Variants in SACM1L observed in about 807,000 individuals in gnomAD.
The protein encoded by SACM1L is SAC1 like phosphatidylinositide phosphatase.
SACM1L carries 32 observed loss-of-function variants against 89.5 expected under a neutral mutation model. The ratio of observed to expected loss-of-function variants is 0.36; its 90% CI spans 0.27 to 0.48. The LOEUF is 0.48. Among genes scored for constraint, SACM1L ranks in the 20% least tolerant of loss-of-function variants. The pLI, the probability that SACM1L is intolerant of heterozygous loss-of-function variation, is 0.99. For missense variants in SACM1L, 543 were observed against 708.5 expected (o/e 0.77, Z 2.65); for synonymous variants, 213 against 232.8 (o/e 0.92, Z 0.77).
At chr3:45,739,229 C>T (rs1192150446) in intron 18 of SACM1L, among the ~76,000 whole-genome samples, 1 of 152,112 alleles carries the variant, frequency 6.6e-6, no homozygotes, top group Non-Finnish European at 1.5e-5. Flanking sequence ...TTTTTGACTC[C>T]TCTGTTCACC....
Position 45,733,855 on chromosome 3 carries a change from G to A in SACM1L, c.1101-1380G>A, listed in dbSNP as rs139409027. On this transcript the variant is annotated intron_variant, in intron 13 of 19. Transcript: ENST00000389061. ...TAAAGTTCTAGAGTTAGTAAGTTGC[G>A]TATGATGCTAAGGCTAGCAAACAGA... Among the ~76,000 whole-genome samples the A allele has an allele frequency of 1.4e-3, 207 of 152,256 alleles. 2 individuals are homozygous for A. The highest frequency in any genetic ancestry group is 4.4e-3 in the African/African-American group (184 of 41,552).
At chr3:45,696,128 G>A (rs1026178773) in intron 1 of SACM1L, among the ~76,000 whole-genome samples, 3 of 151,716 alleles carry the variant, frequency 2.0e-5, no homozygotes, top group East Asian at 1.9e-4. Flanking sequence ...CTCCTAAGTA[G>A]CTGGGATTTC....
chr3:45,740,806 T>C (rs1171001622), intron 19 of SACM1L, among the ~76,000 whole-genome samples: 2 of 152,200 alleles, frequency 1.3e-5, no homozygotes, highest in African/African-American at 4.8e-5. Flanking sequence ...TCTTAATTGC[T>C]AATGGCTGCA....
intron 7 of SACM1L, among the ~76,000 whole-genome samples, chr3:45,714,452 C>T (rs956489700): frequency 1.3e-5 from 2 of 151,990 alleles, no homozygotes; most frequent in African/African-American, 4.8e-5. Context: ...AGACTTAGGC[C>T]GGGCATGGTG....
chr3:45,729,380 C>T (rs1381872693), intron 11 of SACM1L, among the ~76,000 whole-genome samples: 1 of 152,164 alleles, frequency 6.6e-6, no homozygotes, highest in Non-Finnish European at 1.5e-5. Context: ...CTACTATGCC[C>T]AGCCTGTTGG....
At chr3:45,697,268 CCTTTTTTTTTTTTT>C (rs1698154063) in intron 1 of SACM1L, among the ~76,000 whole-genome samples, 2 of 110,612 alleles carry the variant, frequency 1.8e-5, no homozygotes, top group East Asian at 2.5e-4. Context: ...CTTTTCTTTT[CCTTTTTTTTTTTTT>C]TTTTTTTTTT....
chr3:45,721,926 C>T (rs1698797076), intron 8 of SACM1L, 74 bp from the exon 9 acceptor site: 1 of 965,418 alleles, frequency 1.0e-6, no homozygotes, highest in Non-Finnish European at 1.6e-6. Context: ...TCCAAGTTAA[C>T]CTGAATTAGT....
rs764073882 is a variant in SACM1L, at chr3:45,723,486, C to T, written c.864C>T (p.Phe288=). 1 of 1,481,898 alleles carries T rather than the reference C, an allele frequency of 6.7e-7. No homozygotes were observed. Among genetic ancestry groups the T allele is most frequent in the Admixed American group, 2.0e-5 (1 of 50,994 alleles). 91.8% of individuals were successfully genotyped at this position (1,481,898 alleles called of 1,614,324 possible). ...TTTTTCCTCTCTAGATGGACGGTTT[C>T]CAAAGGCATTTTGATTCCCAAGTAA... The part of the protein sequence containing the change: ...ISKVANHMDG[F]QRHFDSQVII... The change falls in exon 11 of 20, where the codon TTC becomes TTT. Residue 288 remains phenylalanine (F), a synonymous_variant. Coordinates refer to ENST00000389061, the MANE Select transcript of SACM1L (RefSeq NM_014016.5).
rs1333926677 is a variant in SACM1L, at chr3:45,737,601, G to A, written c.1258G>A (p.Val420Met). The change falls in exon 15 of 20, where the codon GTG becomes ATG. Residue 420 changes from valine to methionine, a missense_variant. Coordinates refer to ENST00000389061, the MANE Select transcript of SACM1L (RefSeq NM_014016.5). ...ATTCCAGAGACTAGGAGTTTTGCATGTGGGACAAAAGCTTGAAGAACAAGA... is the reference window on the plus strand; with the variant it reads ...ATTCCAGAGACTAGGAGTTTTGCATATGGGACAAAAGCTTGAAGAACAAGA... The part of the protein sequence containing the change: ...AQLQRLGVLH[V>M]GQKLEEQDEF... 6.3e-7 allele frequency: 1 copy of A among 1,596,134 alleles called. No homozygotes were observed. Among genetic ancestry groups the A allele is most frequent in the East Asian group, 2.2e-5 (1 of 44,798 alleles).
chr3:45,735,624 AT>A (rs1345551268), intron 14 of SACM1L, among the ~76,000 whole-genome samples: 3 of 152,120 alleles, frequency 2.0e-5, no homozygotes, highest in Non-Finnish European at 4.4e-5. Flanking sequence ...TTGTGCCGTA[AT>A]TTACTAAGCC....
At chr3:45,692,117 C>G (rs1226821793) in intron 1 of SACM1L, among the ~76,000 whole-genome samples, 1 of 152,186 alleles carries the variant, frequency 6.6e-6, no homozygotes. Context: ...CCTCTCTGTT[C>G]TCTTTACATA....
intron 4 of SACM1L, 200 bp downstream of exon 4, chr3:45,707,107 T>A (rs2742442): frequency 0.42 from 177,112 of 417,630 alleles, 33,965 homozygotes; most frequent in Middle Eastern, 0.47. Flanking sequence ...TTTTTTTTTT[T>A]AAAGATTCAG....
intron 9 of SACM1L, 119 bp from the exon 10 acceptor site, chr3:45,722,750 G>A: frequency 1.6e-6 from 1 of 637,596 alleles, no homozygotes; most frequent in Non-Finnish European, 2.7e-6. Flanking sequence ...AAAGTTGTCG[G>A]TAGATTGTAT....
chr3:45,719,276 A>G (rs1196226699), intron 7 of SACM1L, among the ~76,000 whole-genome samples: 1 of 152,230 alleles, frequency 6.6e-6, no homozygotes, highest in Non-Finnish European at 1.5e-5. Context: ...TAAAAACACC[A>G]TAGTGAACTT....
At chr3:45,732,450 G>A (rs897231068) in intron 13 of SACM1L, among the ~76,000 whole-genome samples, 2 of 151,882 alleles carry the variant, frequency 1.3e-5, no homozygotes, top group African/African-American at 2.4e-5. Context: ...TTGTATTGTC[G>A]TTTCCACTAG....
intron 7 of SACM1L, among the ~76,000 whole-genome samples, chr3:45,717,542 G>A (rs1698689243): frequency 6.6e-6 from 1 of 152,208 alleles, no homozygotes; most frequent in East Asian, 1.9e-4. Flanking sequence ...CTGTTTTGAA[G>A]TTGGATGGTA....
At position 45,723,536 on chromosome 3, in the gene SACM1L, TC is replaced by T; in HGVS notation, c.915del (p.Asn306IlefsTer2). On this transcript the variant is annotated frameshift_variant, in exon 11 of 20. Coordinates refer to ENST00000389061, the MANE Select transcript of SACM1L (RefSeq NM_014016.5). LOFTEE classifies it high-confidence loss of function. ...ATTATTTATGGAAAACAAGTTATAA[TC>T]AATCTGGTATGTTTCTTATGTTTCT... ...QVIIYGKQVI[I>X]NLINQKGSEK... 6.8e-7 allele frequency: 1 copy of T among 1,479,084 alleles called. No homozygotes were observed. The highest frequency in any genetic ancestry group is 9.1e-7 in the Non-Finnish European group (1 of 1,093,514). The allele number at this position is 1,479,084 out of a possible 1,614,324, so 91.6% of individuals were successfully genotyped here.
At chr3:45,709,401 A>G (rs1575393221) in intron 4 of SACM1L, 97 bp from the exon 5 acceptor site, 4 of 1,100,552 alleles carry the variant, frequency 3.6e-6, no homozygotes, top group East Asian at 4.9e-5. Context: ...GTAGTCTTTA[A>G]TGAGACTGGA....
chr3:45,692,285 T>G (rs563623986), intron 1 of SACM1L, among the ~76,000 whole-genome samples: 27 of 151,974 alleles, frequency 1.8e-4, no homozygotes, highest in Non-Finnish European at 3.7e-4. Flanking sequence ...ATGTTGATAC[T>G]TCACAGGATT....
Sources: gnomAD v4.1 joint callset for allele counts (sites outside exome capture counted in the v4.1 genomes callset) on GRCh38, gnomAD v4.1.1 for gene constraint, MANE v1.5 for transcripts, NCBI Gene and HGNC (gene_info 2026-07-23, HGNC 2026-07-21) for gene names.